The following DCAF4 variants were observed in gnomAD, a reference collection of about 807,000 sequenced individuals.
DCAF4 encodes the protein DDB1- and CUL4-associated factor 4.
In DCAF4, 37 loss-of-function variants were observed where a neutral mutation model predicts 60.9. The ratio of observed to expected loss-of-function variants is 0.61; its 90% CI spans 0.47 to 0.80. The LOEUF (loss-of-function observed/expected upper bound fraction) is 0.80, where lower values mean the gene tolerates loss of function less well. Among genes scored for constraint, DCAF4 ranks in the 30% least tolerant of loss-of-function variants. The probability of loss-of-function intolerance (pLI) is 0.00; values close to 1 mark genes in which losing one functional copy is unlikely to be tolerated. For synonymous variants in DCAF4, 243 were observed against 254.8 expected (o/e 0.95, Z 0.44); for missense variants, 577 against 650.0 (o/e 0.89, Z 1.22).
intron 7 of DCAF4, among the ~76,000 whole-genome samples, 167 bp from the exon 8 acceptor site, chr14:72,946,975 C>T (rs940751164): frequency 2.6e-5 from 4 of 152,218 alleles, no homozygotes; most frequent in East Asian, 1.9e-4. Flanking sequence ...CTTGAGGTTA[C>T]TTCCTGTCCT....
chr14:72,955,733 C>T (rs748036552), intron 12 of DCAF4, 37 bp downstream of exon 12: 16 of 1,574,006 alleles, frequency 1.0e-5, no homozygotes, highest in South Asian at 4.6e-5. Context: ...CACAGGGTCT[C>T]GTGGCCCAGT....
At position 72,928,629 on chromosome 14, in the gene DCAF4, C is replaced by T. The variant is rs1343130078; in HGVS notation, c.-9+2086C>T. On this transcript the variant is annotated intron_variant, in intron 1 of 13. Transcript: ENST00000358377. ...TATATATATATATAGTTCACATACC[C>T]TAAAATTAACTTTTTTAAAAGGGTT... Among the ~76,000 whole-genome samples, 4 of 148,444 alleles carry T rather than the reference C, an allele frequency of 2.7e-5. 1 individual carries two copies. The highest frequency in any genetic ancestry group is 1.0e-4 in the African/African-American group (4 of 39,928).
chr14:72,940,420 C>G (rs200682888), intron 4 of DCAF4, 43 bp downstream of exon 4: 1 of 1,565,114 alleles, frequency 6.4e-7, no homozygotes, highest in Non-Finnish European at 8.6e-7. Context: ...TCCGCTCCTG[C>G]CAGCACCTGT....
chr14:72,936,768 C>CA (rs1236847815), intron 1 of DCAF4, among the ~76,000 whole-genome samples: 1 of 152,142 alleles, frequency 6.6e-6, no homozygotes, highest in African/African-American at 2.4e-5. Flanking sequence ...GTTGGAGCTG[C>CA]ATCTGCATTG....
intron 8 of DCAF4, among the ~76,000 whole-genome samples, chr14:72,949,385 G>A (rs956992732): frequency 2.6e-5 from 4 of 152,208 alleles, no homozygotes; most frequent in African/African-American, 9.7e-5. Context: ...GAGCCCCAGA[G>A]TTCAAAGCTG....
intron 9 of DCAF4, among the ~76,000 whole-genome samples, chr14:72,953,724 A>AT (rs1291044005): frequency 7.0e-4 from 35 of 50,140 alleles, no homozygotes; most frequent in African/African-American, 1.4e-3. Context: ...AAAAAAAAAA[A>AT]AAAAAAAAAT....
At chr14:72,961,733 T>C, downstream of DCAF4, 1 of 729,866 alleles carries the variant, frequency 1.4e-6, no homozygotes, top group Non-Finnish European at 1.7e-6. Context: ...TGTTTGGCTG[T>C]GGGCATGGGG....
chr14:72,937,933 C>T (rs749708574), intron 1 of DCAF4, 38 bp from the exon 2 acceptor site: 36 of 1,545,816 alleles, frequency 2.3e-5, no homozygotes, highest in Non-Finnish European at 2.8e-5. Context: ...CATGCCCACA[C>T]ACAGAGATGT....
chr14:72,951,186 T>G (rs1891356081), intron 8 of DCAF4, among the ~76,000 whole-genome samples: 2 of 152,008 alleles, frequency 1.3e-5, no homozygotes. Context: ...TTGCTGTGTT[T>G]CCCAGGCTGG....
chr14:72,957,906 C>G (rs1031749302), intron 13 of DCAF4: 2 of 152,800 alleles, frequency 1.3e-5, no homozygotes, highest in Admixed American at 1.3e-4. Flanking sequence ...AGACTTAAAC[C>G]GGTCCTAGGA....
At chr14:72,946,666 C>T (rs546032908) in intron 7 of DCAF4, among the ~76,000 whole-genome samples, 5 of 152,230 alleles carry the variant, frequency 3.3e-5, no homozygotes, top group African/African-American at 9.6e-5. Flanking sequence ...CAGAGTGATG[C>T]GTCATCCAGC....
chr14:72,945,870 C>A lies in DCAF4; in HGVS notation c.535-14C>A. 6.2e-7 allele frequency: 1 copy of A among 1,614,076 alleles called. No homozygotes were observed. Among genetic ancestry groups the A allele is most frequent in the Non-Finnish European group, 8.5e-7 (1 of 1,180,020 alleles). On this transcript the variant is annotated splice_polypyrimidine_tract_variant and intron_variant, in intron 6 of 13. Coordinates refer to ENST00000358377, the MANE Select transcript of DCAF4 (RefSeq NM_015604.4). ...AGCCTGGGACGTCACCCACTGCCCC[C>A]TTCCCTTCTCCAGGCAGATACCAAC...
At chr14:72,953,709 TAAAAAAAAAAAA>T (rs778771457) in intron 9 of DCAF4, among the ~76,000 whole-genome samples, 42 of 10,060 alleles carry the variant, frequency 4.2e-3, no homozygotes, top group African/African-American at 0.016. Flanking sequence ...GACCCTGTCT[TAAAAAAAAAAAA>T]AAAAAAAAAA....
At position 72,959,402 on chromosome 14, in the gene DCAF4, G is replaced by A; in HGVS notation, c.*597G>A. ...ATTATCCAAAGGCGTTGGAAGGAAA[G>A]ATGGATCTTCTTACATGCTAGAAGT... On this transcript the variant is annotated 3_prime_UTR_variant, in exon 14 of 14. Transcript: ENST00000358377. 1.0e-6 allele frequency: 1 copy of A among 985,492 alleles called. No homozygotes were observed. Among genetic ancestry groups the A allele is most frequent in the Non-Finnish European group, 1.2e-6 (1 of 829,964 alleles). 61.0% of individuals were successfully genotyped at this position (985,492 alleles called of 1,614,324 possible). A position where few individuals can be genotyped will look rare whatever the true frequency, so the allele number is the denominator to read the frequency against.
chr14:72,942,925 C>CGTATCATTA, intron 5 of DCAF4, 69 bp from the exon 6 acceptor site: 1 of 1,467,518 alleles, frequency 6.8e-7, no homozygotes, highest in East Asian at 2.3e-5. Flanking sequence ...CAGGGAAGGC[C>CGTATCATTA]AGAGACCCCC....
rs1013784380 is a variant in DCAF4 at position 72,954,161 on chromosome 14, C to T, written c.809-3C>T. 4 of 1,614,094 alleles carry T rather than the reference C, an allele frequency of 2.5e-6. No individual in the cohort carries two copies. The highest frequency in any genetic ancestry group is 3.4e-6 in the Non-Finnish European group (4 of 1,179,984). ...ACTTTACATTCTCCTATCCCCTTAG[C>T]AGGAATAGACCGGCCTGGCATGCTC... is the stretch of plus-strand genomic sequence containing the variant. On this transcript the variant is annotated splice_polypyrimidine_tract_variant and splice_region_variant and intron_variant, in intron 9 of 13. Transcript: ENST00000358377.
intron 8 of DCAF4, among the ~76,000 whole-genome samples, chr14:72,948,416 A>G (rs1254550723): frequency 6.6e-6 from 1 of 152,222 alleles, no homozygotes; most frequent in Non-Finnish European, 1.5e-5. Flanking sequence ...TATATAAGGC[A>G]TCAAACTATG....
In DCAF4 at chr14:72,955,557, A is replaced by T; in HGVS notation, c.1040A>T (p.Glu347Val). 6.2e-7 allele frequency: 1 copy of T among 1,614,132 alleles called. No individual in the cohort carries two copies. The highest frequency in any genetic ancestry group is 8.5e-7 in the Non-Finnish European group (1 of 1,180,004). Residue 347 changes from glutamate to valine, a missense_variant, in exon 12 of 14, where the codon GAA becomes GTA. By Grantham distance (121) the Glu-to-Val change is moderately radical. Transcript: ENST00000358377. ...PLLFNGCRSG[E>V]IFAIDLRCGN... The stretch of plus-strand genomic sequence containing the variant: ...CTGTTTAATGGCTGCCGCTCTGGGG[A>T]AATCTTTGCCATTGATCTGCGTTGT...
At chr14:72,939,308 A>G (rs1474395215) in intron 2 of DCAF4, among the ~76,000 whole-genome samples, 1 of 152,192 alleles carries the variant, frequency 6.6e-6, no homozygotes, top group African/African-American at 2.4e-5. Context: ...CCGCAGCTCT[A>G]TCCCAGTGTT....
Sources: gnomAD v4.1 joint callset for allele counts (sites outside exome capture counted in the v4.1 genomes callset) on GRCh38, gnomAD v4.1.1 for gene constraint, MANE v1.5 for transcripts, NCBI Gene and HGNC (gene_info 2026-07-23, HGNC 2026-07-21) for gene names.